DGKB: variants seen among roughly 807,000 people sequenced by gnomAD.
DGKB encodes diacylglycerol kinase beta, also known as 90 kDa diacylglycerol kinase.
In DGKB, 67 loss-of-function variants were observed where a neutral mutation model predicts 114.3. The observed-to-expected ratio is 0.59, with a 90% CI of 0.48 to 0.72. The LOEUF is 0.72. Among genes scored for constraint, DGKB ranks in the 30% least tolerant of loss-of-function variants. The pLI is 0.00. For synonymous variants in DGKB, 398 were observed against 323.1 expected (o/e 1.23, Z -2.49); for missense variants, 907 against 975.2 (o/e 0.93, Z 0.93).
At chr7:14,562,850 C>T (rs958964474) in intron 20 of DGKB, among the ~76,000 whole-genome samples, 2 of 152,174 alleles carry the variant, frequency 1.3e-5, no homozygotes, top group East Asian at 1.9e-4. Context: ...TGGGTTAATA[C>T]TTTGGGGGAC....
intron 2 of DGKB, among the ~76,000 whole-genome samples, chr7:14,831,186 A>C (rs930695026): frequency 6.6e-6 from 1 of 151,960 alleles, no homozygotes; most frequent in Non-Finnish European, 1.5e-5. Flanking sequence ...AGACCAAGAC[A>C]AGGAGACTTC....
intron 21 of DGKB, among the ~76,000 whole-genome samples, chr7:14,397,302 G>T (rs565206080): frequency 3.9e-5 from 6 of 152,226 alleles, no homozygotes; most frequent in African/African-American, 1.4e-4. Context: ...GGAGTTTGCC[G>T]TTCTCTGTTT....
intron 23 of DGKB, among the ~76,000 whole-genome samples, chr7:14,294,022 A>G (rs926765163): frequency 2.6e-5 from 4 of 152,188 alleles, no homozygotes; most frequent in African/African-American, 7.2e-5. Flanking sequence ...CTAAAATCAA[A>G]GTGTTGGCAA....
rs1213125652 is a variant in DGKB, at chr7:14,784,823, C to CT, written c.71-27093dup. ...ATTATTTTACCTCCTGTGTCAACTG[C>CT]TGTTTTTTTTTTTAATGTTTTTTTG... On this transcript the variant is annotated intron_variant, in intron 2 of 25. Transcript: ENST00000402815. Among the ~76,000 whole-genome samples, 648 of 150,634 alleles carry CT rather than the reference C, an allele frequency of 4.3e-3. 7 individuals carry two copies. Among genetic ancestry groups the CT allele is most frequent in the African/African-American group, 0.015 (605 of 41,082 alleles).
intron 23 of DGKB, among the ~76,000 whole-genome samples, chr7:14,333,910 A>C (rs1468470320): frequency 1.3e-5 from 2 of 152,202 alleles, no homozygotes; most frequent in African/African-American, 4.8e-5. Flanking sequence ...TTCTGTGTAC[A>C]TACCTGAAAA....
chr7:14,731,405 C>T (rs957067936), intron 5 of DGKB, among the ~76,000 whole-genome samples: 2 of 151,766 alleles, frequency 1.3e-5, no homozygotes, highest in Non-Finnish European at 2.9e-5. Context: ...CAAAAAAAGT[C>T]ATGTGTTGAA....
intron 17 of DGKB, among the ~76,000 whole-genome samples, chr7:14,590,025 G>A (rs960061086): frequency 7.1e-6 from 1 of 140,956 alleles, no homozygotes; most frequent in African/African-American, 2.6e-5. Context: ...TCGGGGGAGG[G>A]GGGAGGGATA....
intron 2 of DGKB, among the ~76,000 whole-genome samples, chr7:14,777,308 T>A (rs1838345608): frequency 6.6e-6 from 1 of 152,112 alleles, no homozygotes; most frequent in African/African-American, 2.4e-5. Context: ...GGGGGACTGT[T>A]GGGAAGGCAT....
At chr7:14,916,279 G>T in intron 1 of DGKB, among the ~76,000 whole-genome samples, 1 of 97,834 alleles carries the variant, frequency 1.0e-5, no homozygotes. Flanking sequence ...AGTGAAAGAG[G>T]GAACGACTTT....
chr7:14,161,147 A>T (rs1289331679), intron 25 of DGKB, among the ~76,000 whole-genome samples: 1 of 152,212 alleles, frequency 6.6e-6, no homozygotes, highest in Non-Finnish European at 1.5e-5. Context: ...GGCGATCATT[A>T]AAAAGTCAGG....
intron 4 of DGKB, among the ~76,000 whole-genome samples, chr7:14,740,380 C>T (rs191732146): frequency 1.3e-5 from 2 of 152,140 alleles, no homozygotes; most frequent in Non-Finnish European, 2.9e-5. Flanking sequence ...GTACAGGGGG[C>T]TTCTCAATGC....
chr7:14,353,628 A>C (rs942365220), intron 21 of DGKB, among the ~76,000 whole-genome samples: 1 of 152,154 alleles, frequency 6.6e-6, no homozygotes, highest in Non-Finnish European at 1.5e-5. Flanking sequence ...TATTTTGCAT[A>C]TTCTGTCACT....
chr7:14,349,104 CTG>C (rs1488217605), intron 21 of DGKB, among the ~76,000 whole-genome samples: 1 of 151,926 alleles, frequency 6.6e-6, no homozygotes, highest in Non-Finnish European at 1.5e-5. Context: ...ATTAAGAGAA[CTG>C]TAGTTATTGC....
intron 23 of DGKB, among the ~76,000 whole-genome samples, chr7:14,326,808 T>C (rs1004647651): frequency 5.3e-5 from 8 of 152,158 alleles, no homozygotes; most frequent in African/African-American, 1.9e-4. Context: ...TTCAAAATAA[T>C]TTGTGTTCAA....
chr7:14,506,040 A>G (rs1471696828), intron 20 of DGKB, among the ~76,000 whole-genome samples: 1 of 152,162 alleles, frequency 6.6e-6, no homozygotes, highest in Non-Finnish European at 1.5e-5. Flanking sequence ...TATACTCTCT[A>G]GCTCACAATG....
At chr7:14,421,394 A>T (rs1478733642) in intron 21 of DGKB, among the ~76,000 whole-genome samples, 1 of 152,102 alleles carries the variant, frequency 6.6e-6, no homozygotes, top group Non-Finnish European at 1.5e-5. Flanking sequence ...TAATTTTTAA[A>T]ATAACTTTTT....
intron 13 of DGKB, among the ~76,000 whole-genome samples, chr7:14,652,682 G>C (rs2128903376): frequency 6.7e-6 from 1 of 149,458 alleles, no homozygotes; most frequent in East Asian, 2.0e-4. Flanking sequence ...CTTCTGCACA[G>C]CAAAAGAAAC....
chr7:14,514,253 C>T (rs1377709011), intron 20 of DGKB, among the ~76,000 whole-genome samples: 1 of 151,918 alleles, frequency 6.6e-6, no homozygotes, highest in Non-Finnish European at 1.5e-5. Context: ...CATTTCCCCC[C>T]AAAATACATA....
chr7:14,223,660 A>C (rs1790343950), intron 23 of DGKB, among the ~76,000 whole-genome samples: 1 of 151,862 alleles, frequency 6.6e-6, no homozygotes, highest in Non-Finnish European at 1.5e-5. Flanking sequence ...CAACCTGCAC[A>C]CTTGCCTTTA....
Sources: gnomAD v4.1 joint callset for allele counts (sites outside exome capture counted in the v4.1 genomes callset) on GRCh38, gnomAD v4.1.1 for gene constraint, MANE v1.5 for transcripts, NCBI Gene and HGNC (gene_info 2026-07-23, HGNC 2026-07-21) for gene names.